Variants in RBFOX3 observed in about 807,000 individuals in gnomAD.
RBFOX3 encodes RNA binding protein fox-1 homolog 3.
Under a neutral mutation model 48.7 loss-of-function variants are expected in RBFOX3, and 17 were observed. That is an observed-to-expected ratio of 0.35 (90% CI 0.24 to 0.52). The LOEUF (loss-of-function observed/expected upper bound fraction) is 0.52. RBFOX3 is among the 20% of genes least tolerant of loss of function. The pLI, the probability that RBFOX3 is intolerant of heterozygous loss-of-function variation, is 0.94. For missense variants in RBFOX3, 382 were observed against 497.5 expected (o/e 0.77, Z 2.21); for synonymous variants, 212 against 209.5 (o/e 1.01, Z -0.10).
intron 2 of RBFOX3, among the ~76,000 whole-genome samples, chr17:79,378,216 C>A (rs927813816): frequency 6.6e-6 from 1 of 151,962 alleles, no homozygotes. Context: ...GCTTAGCCCT[C>A]ATCACCACTC....
chr17:79,287,044 C>A (rs949918095), intron 3 of RBFOX3, among the ~76,000 whole-genome samples: 1 of 152,256 alleles, frequency 6.6e-6, no homozygotes, highest in Non-Finnish European at 1.5e-5. Context: ...GCGGCCCTGA[C>A]GCAGCTCGAG....
rs2146071202 is a variant in RBFOX3, at chr17:79,090,825, T to G, written c.*58A>C. ...TTTTTTTGTTTTTTTTGTTTTGTGA[T>G]TTTTTTTGTTTTTTTGTTTTTGCCC... On this transcript the variant is annotated 3_prime_UTR_variant, in exon 15 of 15. Transcript: ENST00000693108. The G allele has an allele frequency of 6.8e-7, 1 of 1,479,264 alleles. No individual in the cohort carries two copies. The highest frequency in any genetic ancestry group is 1.4e-5 in the African/African-American group (1 of 69,594). The allele number at this position is 1,479,264 out of a possible 1,614,324, so 91.6% of individuals were successfully genotyped here.
chr17:79,309,540 T>C (rs2076552877), intron 2 of RBFOX3, among the ~76,000 whole-genome samples: 1 of 152,126 alleles, frequency 6.6e-6, no homozygotes, highest in Non-Finnish European at 1.5e-5. Flanking sequence ...TGTTCAGGCC[T>C]CCCCTTGGAG....
At chr17:79,582,344 A>G (rs1027113773) in intron 1 of RBFOX3, among the ~76,000 whole-genome samples, 38 of 151,846 alleles carry the variant, frequency 2.5e-4, no homozygotes, top group Middle Eastern at 3.4e-3. Context: ...CCCTACATGT[A>G]TGTGTGTGTG....
At position 79,195,944 on chromosome 17, in the gene RBFOX3, C is replaced by T. The variant is rs995237037; in HGVS notation, c.-34+39822G>A. ...GCCATTCCAGTGAAACTGGGCATGG[C>T]GATAATTATCATCATCAGAACACCC... On this transcript the variant is annotated intron_variant, in intron 4 of 14. Transcript: ENST00000693108. The surrounding 1 kb of genome is among the most constrained non-coding windows in gnomAD (Gnocchi z 5.3). Among the ~76,000 whole-genome samples, 5 of 152,142 alleles carry T rather than the reference C, an allele frequency of 3.3e-5. No homozygotes were observed. In the East Asian group the frequency reaches 7.7e-4, roughly 23 times the overall value.
rs1773304171 is a variant in RBFOX3 at position 79,471,085 on chromosome 17, A to G, written c.-175+11369T>C. On this transcript the variant is annotated intron_variant, in intron 2 of 14. Transcript: ENST00000693108. The surrounding 1 kb of genome is among the most constrained non-coding windows in gnomAD (Gnocchi z 4.0). ...GAGAAAAAACAGAATTAACTGCTTC[A>G]TAGACAGTCAAAATAAGCTTTCTGC... 6.6e-6 allele frequency among the ~76,000 whole-genome samples: 1 copy of G among 152,214 alleles called. No individual in the cohort carries two copies. Among genetic ancestry groups the G allele is most frequent in the African/African-American group, 2.4e-5 (1 of 41,458 alleles).
intron 1 of RBFOX3, among the ~76,000 whole-genome samples, chr17:79,548,467 G>A (rs190543247): frequency 1.5e-4 from 23 of 152,334 alleles, no homozygotes; most frequent in African/African-American, 2.9e-4. Context: ...TGGCACGGCT[G>A]CCACCACCCC....
intron 8 of RBFOX3, among the ~76,000 whole-genome samples, chr17:79,102,633 GCTC>G (rs767793254): frequency 2.6e-5 from 4 of 152,210 alleles, no homozygotes; most frequent in African/African-American, 4.8e-5. Flanking sequence ...CCCTCTCCCT[GCTC>G]CTCCTTGGGG....
rs2063660431 is a variant in RBFOX3, at chr17:79,249,680, C to A, written c.-73-13875G>T. Among the ~76,000 whole-genome samples, 1 of 147,428 alleles carries A rather than the reference C, an allele frequency of 6.8e-6. No individual in the cohort carries two copies. The highest frequency in any genetic ancestry group is 1.5e-5 in the Non-Finnish European group (1 of 65,242). The stretch of plus-strand genomic sequence containing the variant: ...AACCAGCCAGCCCCAAAACCACTTC[C>A]CCTGCCTCGCCCGTTCCTTCCTAGG... On this transcript the variant is annotated intron_variant, in intron 3 of 14. Transcript: ENST00000693108. This position sits in a 1 kb window ranked among gnomAD's most constrained non-coding sequence, Gnocchi z 4.1.
At chr17:79,445,800 T>A (rs192997026) in intron 2 of RBFOX3, among the ~76,000 whole-genome samples, 195 of 152,350 alleles carry the variant, frequency 1.3e-3, no homozygotes, top group Admixed American at 4.1e-3. Flanking sequence ...AGCCGGGGTT[T>A]GCAGGACAGT....
chr17:79,612,360 G>T, upstream of RBFOX3, among the ~76,000 whole-genome samples: 1 of 152,226 alleles, frequency 6.6e-6, no homozygotes, highest in Middle Eastern at 3.4e-3. Context: ...TGTGTGAGGT[G>T]AAAAGCACAT....
the RBFOX3 span, among the ~76,000 whole-genome samples, chr17:79,628,226 A>G: frequency 1.3e-5 from 2 of 151,796 alleles, no homozygotes; most frequent in African/African-American, 4.8e-5. Flanking sequence ...TCACCCTCCC[A>G]GCCTAGCACA....
At chr17:79,225,267 G>A (rs2060179176) in intron 4 of RBFOX3, among the ~76,000 whole-genome samples, 1 of 146,984 alleles carries the variant, frequency 6.8e-6, no homozygotes, top group Admixed American at 6.8e-5. Flanking sequence ...CCCCTCCCCA[G>A]CACTGCTGTC....
At chr17:79,559,509 G>T (rs1165143126) in intron 1 of RBFOX3, among the ~76,000 whole-genome samples, 1 of 150,934 alleles carries the variant, frequency 6.6e-6, no homozygotes, top group Non-Finnish European at 1.5e-5. Flanking sequence ...ATTTTGTATG[G>T]GTGGATAGTG....
At chr17:79,388,098 G>A (rs763678984) in intron 2 of RBFOX3, among the ~76,000 whole-genome samples, 14 of 152,188 alleles carry the variant, frequency 9.2e-5, no homozygotes, top group Non-Finnish European at 1.5e-4. Context: ...GTGTGTGCAT[G>A]TGGACATGTA....
At chr17:79,135,382 G>T (rs948538792) in intron 4 of RBFOX3, among the ~76,000 whole-genome samples, 9 of 152,200 alleles carry the variant, frequency 5.9e-5, no homozygotes, top group Non-Finnish European at 1.3e-4. Context: ...CCAGCCATTA[G>T]CCTCTCCTCC....
At chr17:79,396,532 AT>A (rs958668643) in intron 2 of RBFOX3, among the ~76,000 whole-genome samples, 1 of 151,968 alleles carries the variant, frequency 6.6e-6, no homozygotes, top group African/African-American at 2.4e-5. Context: ...CTTAATGCAA[AT>A]TTTATTCTGA....
chr17:79,504,798 G>A (rs1266323602), intron 1 of RBFOX3, among the ~76,000 whole-genome samples: 7 of 152,162 alleles, frequency 4.6e-5, no homozygotes, highest in Non-Finnish European at 8.8e-5. Context: ...AACATCCATC[G>A]GCTCTGCAGA....
intron 4 of RBFOX3, among the ~76,000 whole-genome samples, chr17:79,231,929 G>T (rs1237305901): frequency 6.6e-6 from 1 of 152,184 alleles, no homozygotes; most frequent in African/African-American, 2.4e-5. Context: ...AAGGAAAGAG[G>T]TTTAGTTGAC....
Sources: allele counts gnomAD v4.1 joint callset (sites outside exome capture counted in the v4.1 genomes callset), GRCh38; gene constraint gnomAD v4.1.1; non-coding constraint Gnocchi (gnomAD v3.1); transcripts MANE v1.5; gene names NCBI Gene and HGNC (gene_info 2026-07-23, HGNC 2026-07-21).